APBA1: variants seen among roughly 807,000 people sequenced by gnomAD.
The protein encoded by APBA1 is amyloid-beta A4 precursor protein-binding family A member 1.
APBA1 carries 55 observed loss-of-function variants against 86.6 expected under a neutral mutation model. The observed-to-expected ratio is 0.64, with a 90% CI of 0.51 to 0.80. APBA1 has a LOEUF of 0.80. Ranked by LOEUF, APBA1 falls within the 30% of genes least tolerant of loss-of-function variation. The pLI is 0.00. For synonymous variants in APBA1, 511 were observed against 493.9 expected (o/e 1.03, Z -0.46); for missense variants, 1,090 against 1,183.0 (o/e 0.92, Z 1.15).
intron 1 of APBA1, among the ~76,000 whole-genome samples, chr9:69,608,519 G>C (rs1822520801): frequency 6.6e-6 from 1 of 152,110 alleles, no homozygotes. Context: ...GACTGAGGAG[G>C]GAAGAGGGAC....
rs896404803 is a variant in APBA1 at position 69,597,994 on chromosome 9, T to C, written c.-70+74159A>G. On this transcript the variant is annotated intron_variant, in intron 1 of 12. Coordinates refer to ENST00000265381, the MANE Select transcript of APBA1 (RefSeq NM_001163.4). ...AAAGACACATGCACACGTATGTTTA[T>C]TGCGGCATTATTCACAATAGCAAAG... is the stretch of plus-strand genomic sequence containing the variant. Among the ~76,000 whole-genome samples the C allele has an allele frequency of 3.9e-4, 60 of 152,042 alleles. 1 individual carries two copies. The South Asian group carries it at 1.0e-2, about 25-fold the overall frequency.
At chr9:69,567,663 C>A (rs1355953544) in intron 1 of APBA1, among the ~76,000 whole-genome samples, 8 of 151,854 alleles carry the variant, frequency 5.3e-5, no homozygotes, top group Admixed American at 2.6e-4. Flanking sequence ...TTCTACATTT[C>A]TCATTAACTT....
At chr9:69,452,487 G>T (rs1229440457) in intron 8 of APBA1, among the ~76,000 whole-genome samples, 186 bp from the exon 9 acceptor site, 1 of 152,224 alleles carries the variant, frequency 6.6e-6, no homozygotes, top group African/African-American at 2.4e-5. Flanking sequence ...CAGAAAGACT[G>T]GGGATGTTTT....
rs144377343 is a variant in APBA1, at chr9:69,650,040, T to C, written c.-70+22113A>G. Among the ~76,000 whole-genome samples, 459 of 152,242 alleles carry C rather than the reference T, an allele frequency of 3.0e-3. 5 individuals carry two copies. Among genetic ancestry groups the C allele is most frequent in the African/African-American group, 0.01 (433 of 41,536 alleles). On this transcript the variant is annotated intron_variant, in intron 1 of 12. Transcript: ENST00000265381. ...AGGAATGCTCTCTCCCACTGCCTCC[T>C]CCCCCATGAATAAACAGGAAGATGA...
intron 1 of APBA1, among the ~76,000 whole-genome samples, chr9:69,584,656 T>C (rs545160525): frequency 1.0e-3 from 152 of 152,348 alleles, no homozygotes; most frequent in Non-Finnish European, 1.7e-3. Flanking sequence ...CAGTAAATTA[T>C]AGCAAACTTT....
chr9:69,628,026 C>A (rs368834729), intron 1 of APBA1, among the ~76,000 whole-genome samples: 2 of 151,996 alleles, frequency 1.3e-5, no homozygotes, highest in Non-Finnish European at 2.9e-5. Flanking sequence ...TAGAATAGAA[C>A]AAAGATGATG....
intron 1 of APBA1, among the ~76,000 whole-genome samples, chr9:69,552,238 C>T (rs964227554): frequency 1.3e-5 from 2 of 152,198 alleles, no homozygotes; most frequent in Admixed American, 1.3e-4. Flanking sequence ...ATGATCTTCA[C>T]AAGTTGGGTG....
intron 1 of APBA1, among the ~76,000 whole-genome samples, chr9:69,649,447 C>G (rs1016735274): frequency 1.3e-5 from 2 of 152,046 alleles, no homozygotes; most frequent in Admixed American, 6.5e-5. Flanking sequence ...TCACTTACCC[C>G]CTAGAGTCAC....
intron 1 of APBA1, among the ~76,000 whole-genome samples, chr9:69,627,149 T>A (rs1171901898): frequency 6.6e-6 from 1 of 152,104 alleles, no homozygotes; most frequent in African/African-American, 2.4e-5. Flanking sequence ...TACATAATAA[T>A]TTCCAAGAAT....
chr9:69,620,520 T>C lies in APBA1; in HGVS notation c.-70+51633A>G, dbSNP rs1822794803. Among the ~76,000 whole-genome samples the C allele has an allele frequency of 2.6e-5, 4 of 152,032 alleles. No homozygotes were observed. In the South Asian group the frequency reaches 6.2e-4, roughly 24 times the overall value. On this transcript the variant is annotated intron_variant, in intron 1 of 12. Transcript: ENST00000265381. ...TGGTGAAACCCTGTCTCTACTAAAATACAAAAATTAGCTGGGCATGGTGGC... is the reference window on the plus strand; with the variant it reads ...TGGTGAAACCCTGTCTCTACTAAAACACAAAAATTAGCTGGGCATGGTGGC...
At chr9:69,449,894 G>A in intron 9 of APBA1, 98 bp from the exon 10 acceptor site, 1 of 1,106,822 alleles carries the variant, frequency 9.0e-7, no homozygotes, top group Non-Finnish European at 1.3e-6. Context: ...CCTAAAGAAA[G>A]ACACTTCCCT....
At chr9:69,495,366 A>G (rs1311919099) in intron 2 of APBA1, among the ~76,000 whole-genome samples, 1 of 152,180 alleles carries the variant, frequency 6.6e-6, no homozygotes, top group Admixed American at 6.5e-5. Flanking sequence ...AAATCGGTAC[A>G]TCCAGAAGTT....
chr9:69,645,187 A>G (rs113483155), intron 1 of APBA1, among the ~76,000 whole-genome samples: 4 of 152,304 alleles, frequency 2.6e-5, no homozygotes, highest in East Asian at 1.9e-4. Context: ...TTGAATAAGT[A>G]TAACTTGTAT....
rs756081228 is a variant in APBA1, at chr9:69,441,154, T to C, written c.2182-39A>G. 4 of 1,590,086 alleles carry C rather than the reference T, an allele frequency of 2.5e-6. No homozygotes were observed. The Admixed American group carries it at 7.0e-5, about 28-fold the overall frequency. ...AAAGTACAGTGGGTATGGTGACCAC[T>C]GAGGCAGACAGAATAAACAAAAGCA... On this transcript the variant is annotated intron_variant, in intron 10 of 12. Coordinates refer to ENST00000265381, the MANE Select transcript of APBA1 (RefSeq NM_001163.4).
chr9:69,539,894 G>A (rs974834387), intron 1 of APBA1, among the ~76,000 whole-genome samples: 16 of 152,084 alleles, frequency 1.1e-4, no homozygotes, highest in Non-Finnish European at 1.8e-4. Flanking sequence ...TAAGGGTGGC[G>A]GATCTACTGA....
chr9:69,470,616 T>C (rs775210114), intron 4 of APBA1, among the ~76,000 whole-genome samples: 4 of 152,190 alleles, frequency 2.6e-5, no homozygotes, highest in Non-Finnish European at 1.5e-5. Flanking sequence ...CAAGGGTTCA[T>C]GAAGGTTTAT....
At chr9:69,579,284 T>G (rs1383928321) in intron 1 of APBA1, among the ~76,000 whole-genome samples, 1 of 152,102 alleles carries the variant, frequency 6.6e-6, no homozygotes, top group African/African-American at 2.4e-5. Flanking sequence ...GAGCAGCACT[T>G]TTCTTTTCCC....
chr9:69,583,976 G>C (rs1821968509), intron 1 of APBA1, among the ~76,000 whole-genome samples: 2 of 152,222 alleles, frequency 1.3e-5, no homozygotes, highest in Non-Finnish European at 2.9e-5. Flanking sequence ...AGTGAGTGCA[G>C]AATAAATGCC....
intron 1 of APBA1, among the ~76,000 whole-genome samples, chr9:69,579,727 G>A (rs903793839): frequency 7.9e-5 from 12 of 152,122 alleles, no homozygotes; most frequent in Admixed American, 2.0e-4. Context: ...GCATGTTGCC[G>A]GATTCCTGTA....
Sources: gnomAD v4.1 joint callset for allele counts (sites outside exome capture counted in the v4.1 genomes callset) on GRCh38, gnomAD v4.1.1 for gene constraint, MANE v1.5 for transcripts, NCBI Gene and HGNC (gene_info 2026-07-23, HGNC 2026-07-21) for gene names.